Variants in SLC44A4 observed in about 807,000 individuals in gnomAD.
The protein encoded by SLC44A4 is choline transporter-like protein 4.
In SLC44A4, 74 loss-of-function variants were observed where a neutral mutation model predicts 97.0. The observed-to-expected ratio is 0.76, with a 90% CI of 0.63 to 0.93. The LOEUF (loss-of-function observed/expected upper bound fraction) is 0.93, where lower values mean the gene tolerates loss of function less well. Among genes scored for constraint, SLC44A4 ranks in the 40% least tolerant of loss-of-function variants. The probability of loss-of-function intolerance (pLI) is 0.00; values close to 1 mark genes in which losing one functional copy is unlikely to be tolerated. For synonymous variants in SLC44A4, 325 were observed against 363.8 expected (o/e 0.89, Z 1.21); for missense variants, 799 against 902.9 (o/e 0.88, Z 1.48).
Position 31,864,752 on chromosome 6 carries a change from C to T in SLC44A4, c.1927-16G>A, listed in dbSNP as rs759785728. Reference sequence around the variant, plus strand: ...GGATGGAGGTCTGGAAGACATGACCCGTTGGGGTTATTGGGTTCCTCTGGG... The same window carrying T: ...GGATGGAGGTCTGGAAGACATGACCTGTTGGGGTTATTGGGTTCCTCTGGG... On this transcript the variant is annotated splice_polypyrimidine_tract_variant and intron_variant, in intron 19 of 20. Transcript: ENST00000229729. 3.8e-5 allele frequency: 61 copies of T among 1,613,880 alleles called. No homozygotes were observed. Among genetic ancestry groups the T allele is most frequent in the South Asian group, 9.9e-5 (9 of 91,080 alleles).
At chr6:31,867,723 AAAAAAGAAAAAAAAAAG>A (rs1762938892) in intron 13 of SLC44A4, among the ~76,000 whole-genome samples, 1 of 151,738 alleles carries the variant, frequency 6.6e-6, no homozygotes, top group African/African-American at 2.4e-5. Flanking sequence ...TTTTTTCATT[AAAAAAGAAAAAAAAAAG>A]AAAAAGAAAA....
rs775561783 is a variant in SLC44A4, at chr6:31,864,850, C to A, written c.1892G>T (p.Ser631Ile). 11 of 1,613,872 alleles carry A rather than the reference C, an allele frequency of 6.8e-6. No individual in the cohort carries two copies. Among genetic ancestry groups the A allele is most frequent in the Non-Finnish European group, 9.3e-6 (11 of 1,179,996 alleles). The change falls in exon 19 of 21, where the codon AGC (serine) becomes ATC (isoleucine). Residue 631 changes from serine to isoleucine, a missense_variant. Transcript: ENST00000229729. ...CAGCCAGTAATAGTTGAGGTGGGGG[C>A]TCTTAAAGTCTTTACCCAGCCCCGG... ...RIPGLGKDFKSPHLNYYWLPI... is the reference protein window; with the variant it reads ...RIPGLGKDFKIPHLNYYWLPI...
Position 31,870,616 on chromosome 6 carries a change from T to C in SLC44A4, c.1024A>G (p.Lys342Glu). 6 of 1,601,630 alleles carry C rather than the reference T, an allele frequency of 3.7e-6. No homozygotes were observed. Among genetic ancestry groups the C allele is most frequent in the Non-Finnish European group, 5.1e-6 (6 of 1,174,860 alleles). The change falls in exon 11 of 21, where the codon AAG becomes GAG. Residue 342 changes from lysine to glutamate, a missense_variant. Lys to Glu is a moderately conservative substitution (Grantham distance 56, BLOSUM62 1). Around this residue, in one of 3 missense-constraint regions of SLC44A4, gnomAD observed 409 missense variants for 434.1 expected, o/e 0.94. Transcript: ENST00000229729. Reference sequence around the variant, plus strand: ...GCAGGCCCTAACTTGCTGGCCTCCTTCAGGAGGGCGATGGCAATACGAATC... The same window carrying C: ...GCAGGCCCTAACTTGCTGGCCTCCTCCAGGAGGGCGATGGCAATACGAATC... Reference protein sequence around the residue: ...QRIRIAIALLKEASKAVGQMM... With the variant: ...QRIRIAIALLEEASKAVGQMM...
chr6:31,866,160 G>C (rs912974139), intron 13 of SLC44A4, 34 bp from the exon 14 acceptor site: 2 of 1,607,002 alleles, frequency 1.2e-6, no homozygotes, highest in Non-Finnish European at 1.7e-6. Flanking sequence ...GTAGGCTCAG[G>C]CATCGGGGGC....
chr6:31,876,895 A>G lies in SLC44A4; in HGVS notation c.89+139T>C. On this transcript the variant is annotated intron_variant, in intron 2 of 20. Transcript: ENST00000229729. This position sits in a 1 kb window ranked among gnomAD's most constrained non-coding sequence, Gnocchi z 4.8. Reference sequence around the variant, plus strand: ...CTGCTCCAGACACAACAATCCCCCCAGGGCACCACCCATCTGGGGCAGGAG... The same window carrying G: ...CTGCTCCAGACACAACAATCCCCCCGGGGCACCACCCATCTGGGGCAGGAG... 4.6e-6 allele frequency: 4 copies of G among 864,776 alleles called. No individual in the cohort carries two copies. The South Asian group carries it at 7.0e-5, about 15-fold the overall frequency. 53.6% of individuals were successfully genotyped at this position (864,776 alleles called of 1,614,324 possible).
Position 31,865,405 on chromosome 6 carries a change from G to A in SLC44A4, c.1687-17C>T, listed in dbSNP as rs772713361. The A allele has an allele frequency of 1.2e-6, 2 of 1,613,920 alleles. No individual in the cohort carries two copies. The highest frequency in any genetic ancestry group is 1.1e-5 in the South Asian group (1 of 91,086). ...GATGGCGATCTGAGGGAGGTGGAAA[G>A]GTCAGAGTTACCAAGGCGAGCTGCC... On this transcript the variant is annotated splice_polypyrimidine_tract_variant and intron_variant, in intron 16 of 20. Transcript: ENST00000229729. The surrounding 1 kb of genome is among the most constrained non-coding windows in gnomAD (Gnocchi z 5.2).
chr6:31,869,438 G>A, intron 12 of SLC44A4, 107 bp downstream of exon 12: 1 of 1,041,710 alleles, frequency 9.6e-7, no homozygotes, highest in Non-Finnish European at 1.4e-6. Flanking sequence ...CCAGAGAAAG[G>A]GGCACCTCTT....
intron 10 of SLC44A4, 34 bp from the exon 11 acceptor site, chr6:31,870,736 G>T: frequency 6.2e-7 from 1 of 1,611,418 alleles, no homozygotes; most frequent in Non-Finnish European, 8.5e-7. Flanking sequence ...CCTAGGTCAG[G>T]GCCAGGGCTG....
rs762955439 is a variant in SLC44A4 at position 31,864,864 on chromosome 6, A to G, written c.1878T>C (p.Gly626=). ...FFFSGRIPGL[G]KDFKSPHLNY... Reference sequence around the variant, plus strand: ...TGAGGTGGGGGCTCTTAAAGTCTTTACCCAGCCCCGGGATGCGACCGGAGA... The same window carrying G: ...TGAGGTGGGGGCTCTTAAAGTCTTTGCCCAGCCCCGGGATGCGACCGGAGA... The change falls in exon 19 of 21, where the codon GGT becomes GGC. Residue 626 remains glycine (G), a synonymous_variant. Coordinates refer to ENST00000229729, the MANE Select transcript of SLC44A4 (RefSeq NM_025257.3). 6.2e-7 allele frequency: 1 copy of G among 1,613,908 alleles called. No individual in the cohort carries two copies. The highest frequency in any genetic ancestry group is 1.1e-5 in the South Asian group (1 of 91,060).
chr6:31,871,389 A>G lies in SLC44A4; in HGVS notation c.626T>C (p.Ile209Thr). 1.2e-6 allele frequency: 2 copies of G among 1,614,182 alleles called. No homozygotes were observed. Among genetic ancestry groups the G allele is most frequent in the Non-Finnish European group, 1.7e-6 (2 of 1,180,026 alleles). Residue 209 changes from isoleucine to threonine, a missense_variant, in exon 9 of 21, where the codon ATT (isoleucine) becomes ACT (threonine). By Grantham distance (89) the Ile-to-Thr change is moderately conservative. Transcript: ENST00000229729. ...GATGTCTCGGGCATTGAGGCTGTCAATAAGACCGCTGTTGGGGAGACAGAG... is the reference window on the plus strand; with the variant it reads ...GATGTCTCGGGCATTGAGGCTGTCAGTAAGACCGCTGTTGGGGAGACAGAG... Reference protein sequence around the residue: ...TTIQQGISGLIDSLNARDISV... With the variant: ...TTIQQGISGLTDSLNARDISV...
Position 31,870,999 on chromosome 6 carries a change from C to T in SLC44A4, c.750G>A (p.Leu250=). 6.2e-7 allele frequency: 1 copy of T among 1,612,568 alleles called. No individual in the cohort carries two copies. Among genetic ancestry groups the T allele is most frequent in the Non-Finnish European group, 8.5e-7 (1 of 1,179,890 alleles). ...GCACCAGGGGCCCAGCCACCAGGCG[C>T]AGAAGCAAGATAAACAGTAGGCTCA... is the stretch of plus-strand genomic sequence containing the variant. ...LVLSLLFILL[L]RLVAGPLVLV... is the part of the protein sequence containing the mutation. Residue 250 remains leucine (L), a synonymous_variant, in exon 10 of 21, where the codon CTG becomes CTA. Coordinates refer to ENST00000229729, the MANE Select transcript of SLC44A4 (RefSeq NM_025257.3).
At position 31,875,942 on chromosome 6, in the gene SLC44A4, G is replaced by C. The variant is rs755433796; in HGVS notation, c.164-12C>G. Reference sequence around the variant, plus strand: ...TCCATACAACCAGGCTGCAGACAGAGGCACAGATGAGTCATTGGAGGGCAG... The same window carrying C: ...TCCATACAACCAGGCTGCAGACAGACGCACAGATGAGTCATTGGAGGGCAG... On this transcript the variant is annotated splice_polypyrimidine_tract_variant and intron_variant, in intron 3 of 20. Coordinates refer to ENST00000229729, the MANE Select transcript of SLC44A4 (RefSeq NM_025257.3). 1.2e-6 allele frequency: 2 copies of C among 1,614,036 alleles called. No homozygotes were observed. The highest frequency in any genetic ancestry group is 2.2e-5 in the South Asian group (2 of 91,054).
chr6:31,867,510 G>A (rs2151557383), intron 13 of SLC44A4, among the ~76,000 whole-genome samples: 1 of 152,052 alleles, frequency 6.6e-6, no homozygotes, highest in East Asian at 1.9e-4. Flanking sequence ...CAGGCAAATT[G>A]CTTGAGCCCA....
At chr6:31,873,211 G>C (rs141012810) in intron 7 of SLC44A4, among the ~76,000 whole-genome samples, 26 of 152,050 alleles carry the variant, frequency 1.7e-4, no homozygotes, top group Middle Eastern at 3.4e-3. Context: ...CGCTCTGTCA[G>C]CAAGGCTAGA....
chr6:31,876,522 G>A lies in SLC44A4; in HGVS notation c.90-393C>T, dbSNP rs1763453672. ...CTAGCTACTTGGGAGGCTGAGGCAGGGCAATCCCTTGAGGCCAGGAGTTTG... is the reference window on the plus strand; with the variant it reads ...CTAGCTACTTGGGAGGCTGAGGCAGAGCAATCCCTTGAGGCCAGGAGTTTG... On this transcript the variant is annotated intron_variant, in intron 2 of 20. Transcript: ENST00000229729. The surrounding 1 kb of genome is among the most constrained non-coding windows in gnomAD (Gnocchi z 4.8). Among the ~76,000 whole-genome samples, 1 of 152,144 alleles carries A rather than the reference G, an allele frequency of 6.6e-6. No individual in the cohort carries two copies. The highest frequency in any genetic ancestry group is 2.1e-4 in the South Asian group (1 of 4,822).
Position 31,869,563 on chromosome 6 carries a change from T to C in SLC44A4, c.1112A>G (p.Tyr371Cys), listed in dbSNP as rs748326188. 6.7e-5 allele frequency: 108 copies of C among 1,604,542 alleles called. No homozygotes were observed. The highest frequency in any genetic ancestry group is 8.2e-5 in the Non-Finnish European group (97 of 1,176,370). The change falls in exon 12 of 21, where the codon TAC (tyrosine) becomes TGC (cysteine). Residue 371 changes from tyrosine to cysteine, a missense_variant. This residue lies in a region of SLC44A4 where 379 missense variants were observed against 438.3 expected (regional missense o/e 0.86). Transcript: ENST00000229729. Reference sequence around the variant, plus strand: ...AGGATACAGAGCAGTCATGGCCCAGTAGGCAATGCAGATGAGGAGGAGGAC... The same window carrying C: ...AGGATACAGAGCAGTCATGGCCCAGCAGGCAATGCAGATGAGGAGGAGGAC... Reference protein sequence around the residue: ...TFVLLLICIAYWAMTALYLAT... With the variant: ...TFVLLLICIACWAMTALYLAT...
Position 31,877,121 on chromosome 6 carries a change from C to G in SLC44A4, c.41-39G>C, listed in dbSNP as rs1262892336. On this transcript the variant is annotated intron_variant, in intron 1 of 20. Coordinates refer to ENST00000229729, the MANE Select transcript of SLC44A4 (RefSeq NM_025257.3). This position sits in a 1 kb window ranked among gnomAD's most constrained non-coding sequence, Gnocchi z 6.5. ...GAAGAGGTGTGGAGGATGAGTCTCT[C>G]TCTGCATATCTTGTCCTGCTGAGTC... 4 of 1,590,694 alleles carry G rather than the reference C, an allele frequency of 2.5e-6. No homozygotes were observed. The highest frequency in any genetic ancestry group is 3.5e-5 in the Admixed American group (2 of 57,050).
chr6:31,865,877 G>A lies in SLC44A4; in HGVS notation c.1483C>T (p.Leu495Phe), dbSNP rs1762835040. ...AGGCCCCTGCCCCATCCTTACCGGA[G>A]TGTGCGGATGAAGGCAGAGATTAAG... ...FPLISAFIRT[L>F]RYHTGSLAFG... is the part of the protein sequence containing the mutation. The change falls in exon 14 of 21, where the codon CTC becomes TTC. Residue 495 changes from leucine to phenylalanine, a missense_variant. By Grantham distance (22) the Leu-to-Phe change is conservative. Around this residue, in one of 3 missense-constraint regions of SLC44A4, gnomAD observed 379 missense variants for 438.3 expected, o/e 0.86. Transcript: ENST00000229729. The surrounding 1 kb of genome is among the most constrained non-coding windows in gnomAD (Gnocchi z 5.2). 4 of 1,614,178 alleles carry A rather than the reference G, an allele frequency of 2.5e-6. No individual in the cohort carries two copies. Among genetic ancestry groups the A allele is most frequent in the Non-Finnish European group, 3.4e-6 (4 of 1,180,016 alleles).
rs765949677 is a variant in SLC44A4, at chr6:31,874,189, C to G, written c.529+271G>C. Among the ~76,000 whole-genome samples, 1 of 152,062 alleles carries G rather than the reference C, an allele frequency of 6.6e-6. No homozygotes were observed. The highest frequency in any genetic ancestry group is 1.5e-5 in the Non-Finnish European group (1 of 68,024). ...TTTCATACAGTCTCTTTGTGAACAA[C>G]TCTAATCTCTTCACCTAGAATGTAG... On this transcript the variant is annotated intron_variant, in intron 7 of 20. Coordinates refer to ENST00000229729, the MANE Select transcript of SLC44A4 (RefSeq NM_025257.3). This position sits in a 1 kb window ranked among gnomAD's most constrained non-coding sequence, Gnocchi z 4.8.
Sources: allele counts gnomAD v4.1 joint callset (sites outside exome capture counted in the v4.1 genomes callset), GRCh38; gene constraint gnomAD v4.1.1; regional missense constraint gnomAD v4.1.1; non-coding constraint Gnocchi (gnomAD v3.1); transcripts MANE v1.5; gene names NCBI Gene and HGNC (gene_info 2026-07-23, HGNC 2026-07-21).